SLC35F4: variants seen among roughly 807,000 people sequenced by gnomAD.
SLC35F4 encodes the protein solute carrier family 35 member F4.
A neutral mutation model predicts 44.2 loss-of-function variants in SLC35F4; 24 were observed. That is an observed-to-expected ratio of 0.54 (90% CI 0.39 to 0.76). SLC35F4 has a LOEUF of 0.76. SLC35F4 is among the 30% of genes least tolerant of loss of function. SLC35F4 has a pLI of 0.00. For synonymous variants in SLC35F4, 238 were observed against 223.6 expected (o/e 1.06, Z -0.57); for missense variants, 562 against 586.1 (o/e 0.96, Z 0.42).
Position 57,566,700 on chromosome 14 carries a change from A to G in SLC35F4, c.1127-136T>C, listed in dbSNP as rs2068225245. 4 of 786,110 alleles carry G rather than the reference A, an allele frequency of 5.1e-6. No individual in the cohort carries two copies. In the East Asian group the frequency reaches 1.1e-4, roughly 22 times the overall value. The allele number at this position is 786,110 out of a possible 1,614,324, so 48.7% of individuals were successfully genotyped here. ...TATACCTTTGATCCTCTAATTTTGG[A>G]GATGGATGCATGTGTATTCTACCTG... On this transcript the variant is annotated intron_variant, in intron 6 of 7. Coordinates refer to ENST00000556826, the MANE Select transcript of SLC35F4 (RefSeq NM_001306087.2).
At chr14:57,774,859 T>G (rs1184330216) in intron 1 of SLC35F4, among the ~76,000 whole-genome samples, 1 of 152,218 alleles carries the variant, frequency 6.6e-6, no homozygotes, top group Non-Finnish European at 1.5e-5. Flanking sequence ...CCAGCAGATC[T>G]TGCCTTCCCT....
At chr14:57,593,474 C>T (rs1050881766) in intron 2 of SLC35F4, among the ~76,000 whole-genome samples, 82 of 152,260 alleles carry the variant, frequency 5.4e-4, no homozygotes, top group African/African-American at 1.9e-3. Context: ...GTGAAGTCTC[C>T]TGCAGAAAGT....
intron 1 of SLC35F4, among the ~76,000 whole-genome samples, chr14:57,769,578 T>C (rs1312213915): frequency 1.3e-5 from 2 of 152,322 alleles, no homozygotes; most frequent in Non-Finnish European, 2.9e-5. Context: ...TTTTAGAAGA[T>C]GAATTCATAA....
intron 1 of SLC35F4, among the ~76,000 whole-genome samples, chr14:57,917,952 G>A (rs1889362948): frequency 6.6e-6 from 1 of 152,158 alleles, no homozygotes; most frequent in Non-Finnish European, 1.5e-5. Flanking sequence ...AGGATGGCTA[G>A]AAGGGGCTGG....
intron 1 of SLC35F4, among the ~76,000 whole-genome samples, chr14:57,683,239 T>C (rs1393857618): frequency 3.3e-5 from 5 of 152,222 alleles, no homozygotes; most frequent in African/African-American, 4.8e-5. Flanking sequence ...ATCTTATAGA[T>C]ACTTTCACAA....
intron 1 of SLC35F4, among the ~76,000 whole-genome samples, chr14:57,680,206 A>G (rs1415238066): frequency 2.0e-5 from 3 of 152,146 alleles, no homozygotes; most frequent in East Asian, 3.8e-4. Flanking sequence ...GTGGGATGCA[A>G]GTCTGGTTCT....
At chr14:57,677,013 A>G (rs1246651285) in intron 1 of SLC35F4, among the ~76,000 whole-genome samples, 1 of 152,134 alleles carries the variant, frequency 6.6e-6, no homozygotes, top group African/African-American at 2.4e-5. Flanking sequence ...AACCAGCCTA[A>G]ATGCCCATCA....
chr14:57,947,373 T>C (rs1203773383), intron 1 of SLC35F4, among the ~76,000 whole-genome samples: 1 of 152,154 alleles, frequency 6.6e-6, no homozygotes, highest in Non-Finnish European at 1.5e-5. Flanking sequence ...TTTGTGTATA[T>C]TGATTTTGTG....
At chr14:57,887,891 G>A (rs1888684524) in intron 1 of SLC35F4, among the ~76,000 whole-genome samples, 1 of 152,066 alleles carries the variant, frequency 6.6e-6, no homozygotes. Flanking sequence ...ACATGCACAT[G>A]CACACGCACA....
At chr14:57,748,060 G>A (rs2076800753) in intron 1 of SLC35F4, among the ~76,000 whole-genome samples, 1 of 152,146 alleles carries the variant, frequency 6.6e-6, no homozygotes, top group Admixed American at 6.5e-5. Flanking sequence ...AAAATTGAAA[G>A]CATTTTATTT....
At chr14:57,733,276 A>G (rs2076385958) in intron 1 of SLC35F4, among the ~76,000 whole-genome samples, 1 of 149,870 alleles carries the variant, frequency 6.7e-6, no homozygotes, top group Admixed American at 6.7e-5. Context: ...TCGACTATGG[A>G]TTTTTTCCTT....
At chr14:57,693,331 G>A (rs1432705151) in intron 1 of SLC35F4, among the ~76,000 whole-genome samples, 1 of 152,130 alleles carries the variant, frequency 6.6e-6, no homozygotes, top group Admixed American at 6.5e-5. Context: ...CCCAAAACTG[G>A]CCATATACAA....
intron 1 of SLC35F4, among the ~76,000 whole-genome samples, chr14:57,890,486 C>G (rs1031547749): frequency 6.6e-6 from 1 of 152,176 alleles, no homozygotes; most frequent in African/African-American, 2.4e-5. Flanking sequence ...CAAATTATAT[C>G]CCAGTGGAGA....
At chr14:57,583,981 T>TATTA (rs2139838208) in intron 3 of SLC35F4, among the ~76,000 whole-genome samples, 2 of 152,312 alleles carry the variant, frequency 1.3e-5, no homozygotes, top group African/African-American at 4.8e-5. Context: ...TAGTTATGCT[T>TATTA]ATTATTAAAA....
intron 1 of SLC35F4, among the ~76,000 whole-genome samples, chr14:57,723,206 G>A (rs2076125387): frequency 6.6e-6 from 1 of 152,140 alleles, no homozygotes; most frequent in African/African-American, 2.4e-5. Flanking sequence ...GACTCATCCT[G>A]TGGTTATTTC....
At chr14:57,718,885 C>T (rs2076009945) in intron 1 of SLC35F4, among the ~76,000 whole-genome samples, 3 of 152,062 alleles carry the variant, frequency 2.0e-5, no homozygotes, top group Admixed American at 2.0e-4. Flanking sequence ...GTTGACTGCT[C>T]TTGTGGGGTA....
At chr14:57,797,981 A>C (rs958489399) in intron 1 of SLC35F4, among the ~76,000 whole-genome samples, 1 of 151,974 alleles carries the variant, frequency 6.6e-6, no homozygotes, top group South Asian at 2.1e-4. Context: ...CCATTGCCAG[A>C]GGGAAAATAT....
At chr14:57,938,389 G>A (rs544056810) in intron 1 of SLC35F4, among the ~76,000 whole-genome samples, 45 of 152,296 alleles carry the variant, frequency 3.0e-4, no homozygotes, top group African/African-American at 8.4e-4. Flanking sequence ...GGTTAAGAAC[G>A]GGAGGTTCAG....
At chr14:57,850,996 CA>C (rs35669505) in intron 1 of SLC35F4, among the ~76,000 whole-genome samples, 4 of 152,066 alleles carry the variant, frequency 2.6e-5, no homozygotes, top group African/African-American at 9.7e-5. Context: ...CCTCTTCCTG[CA>C]AAAAAGCTAG....
Sources: allele counts gnomAD v4.1 joint callset (sites outside exome capture counted in the v4.1 genomes callset), GRCh38; gene constraint gnomAD v4.1.1; transcripts MANE v1.5; gene names NCBI Gene and HGNC (gene_info 2026-07-23, HGNC 2026-07-21).